Variants in WDR12 observed in about 807,000 individuals in gnomAD.
The protein encoded by WDR12 is ribosome biogenesis protein WDR12.
In WDR12, 42 loss-of-function variants were observed where a neutral mutation model predicts 64.3. The ratio of observed to expected loss-of-function variants is 0.65; its 90% CI spans 0.51 to 0.84. WDR12 has a LOEUF of 0.84. Among genes scored for constraint, WDR12 ranks in the 40% least tolerant of loss-of-function variants. The pLI is 0.00. For missense variants in WDR12, 469 were observed against 494.6 expected, an observed-to-expected ratio of 0.95 and a Z score of 0.49; for synonymous variants, 158 against 173.3, an observed-to-expected ratio of 0.91 and a Z score of 0.70.
At chr2:202,885,138 AG>A (rs926944799) in intron 8 of WDR12, among the ~76,000 whole-genome samples, 4 of 152,224 alleles carry the variant, frequency 2.6e-5, no homozygotes, top group Non-Finnish European at 4.4e-5. Context: ...AAACCAGGGC[AG>A]GCTGTTTTTT....
In WDR12 at chr2:202,897,284, G is replaced by A. The variant is rs1351388751; in HGVS notation, c.454+16C>T. ...CCTATCTAGGATTCCTCTAAGTGTA[G>A]GCAAACTGTCCTAACCTTTTTTCAC... On this transcript the variant is annotated intron_variant, in intron 5 of 12. Coordinates refer to ENST00000261015, the MANE Select transcript of WDR12 (RefSeq NM_018256.4). The A allele has an allele frequency of 3.2e-6, 5 of 1,560,904 alleles. No individual in the cohort carries two copies. The highest frequency in any genetic ancestry group is 4.4e-6 in the Non-Finnish European group (5 of 1,145,008).
chr2:202,889,226 G>T (rs571753001), intron 8 of WDR12, among the ~76,000 whole-genome samples: 2 of 152,248 alleles, frequency 1.3e-5, no homozygotes. Flanking sequence ...GCAAGCTTAC[G>T]AAAGTATGCA....
chr2:202,896,148 T>C lies in WDR12; in HGVS notation c.526A>G (p.Arg176Gly), dbSNP rs35272282. 1.2e-6 allele frequency: 2 copies of C among 1,614,116 alleles called. No homozygotes were observed. Among genetic ancestry groups the C allele is most frequent in the South Asian group, 2.2e-5 (2 of 91,086 alleles). ...CAGTGTAGGGCTTTCACTTTGTTTCTCTCTACATTCCACTCCCATAAGAGA... is the reference window on the plus strand; with the variant it reads ...CAGTGTAGGGCTTTCACTTTGTTTCCCTCTACATTCCACTCCCATAAGAGA... Reference protein sequence around the residue: ...TILLWEWNVERNKVKALHCCR... With the variant: ...TILLWEWNVEGNKVKALHCCR... Residue 176 changes from arginine to glycine, a missense_variant, in exon 6 of 13, where the codon AGA (arginine) becomes GGA (glycine). By Grantham distance (125) the Arg-to-Gly change is moderately radical. Coordinates refer to ENST00000261015, the MANE Select transcript of WDR12 (RefSeq NM_018256.4).
Position 202,884,231 on chromosome 2 carries a change from T to C in WDR12, c.955A>G (p.Arg319Gly). Residue 319 changes from arginine (R) to glycine (G), a missense_variant, in exon 10 of 13, where the codon AGG becomes GGG. Physicochemically the swap from Arg to Gly is moderately radical, Grantham distance 125 (BLOSUM62 -2). Coordinates refer to ENST00000261015, the MANE Select transcript of WDR12 (RefSeq NM_018256.4). ...CKRLASGSTD[R>G]HIRLWDPRTK... ...CGGGGATCCCACAGTCTGATATGCCTATCTGTGCTTCCAGATGCTAAACGT... is the reference window on the plus strand; with the variant it reads ...CGGGGATCCCACAGTCTGATATGCCCATCTGTGCTTCCAGATGCTAAACGT... 1.2e-6 allele frequency: 2 copies of C among 1,613,444 alleles called. No individual in the cohort carries two copies.
At chr2:202,896,318 GAAAAAGATGTT>G in intron 5 of WDR12, 99 bp from the exon 6 acceptor site, 1 of 1,308,138 alleles carries the variant, frequency 7.6e-7, no homozygotes, top group Non-Finnish European at 1.0e-6. Context: ...TGTTGTTATT[GAAAAAGATGTT>G]AAAAAGATAA....
intron 8 of WDR12, among the ~76,000 whole-genome samples, chr2:202,885,256 T>A (rs923091437): frequency 6.6e-6 from 1 of 152,198 alleles, no homozygotes; most frequent in Non-Finnish European, 1.5e-5. Flanking sequence ...GATCCTCGGC[T>A]TCTGTTGTCC....
At chr2:202,891,105 C>T (rs1688149750) in intron 8 of WDR12, among the ~76,000 whole-genome samples, 2 of 151,788 alleles carry the variant, frequency 1.3e-5, no homozygotes, top group Admixed American at 1.3e-4. Context: ...AAAGTTTGAC[C>T]AGGGACATGC....
Position 202,911,566 on chromosome 2 carries a change from C to T in WDR12, c.-90G>A. ...CCTGCCTTTTAAGACTACAAAGAGG[C>T]AGCTCAAAATTAGACTGCACAGGTA... On this transcript the variant is annotated 5_prime_UTR_variant, in exon 1 of 13. Transcript: ENST00000261015. The T allele has an allele frequency of 7.8e-7, 1 of 1,281,796 alleles. No individual in the cohort carries two copies. The highest frequency in any genetic ancestry group is 1.1e-6 in the Non-Finnish European group (1 of 878,992). 79.4% of individuals were successfully genotyped at this position (1,281,796 alleles called of 1,614,324 possible).
chr2:202,882,438 C>T (rs1382764076), intron 12 of WDR12, among the ~76,000 whole-genome samples: 1 of 152,044 alleles, frequency 6.6e-6, no homozygotes, highest in Non-Finnish European at 1.5e-5. Flanking sequence ...ACGCCATTCT[C>T]CTGCTTCAGC....
chr2:202,885,357 G>A (rs927016146), intron 8 of WDR12, among the ~76,000 whole-genome samples: 6 of 152,162 alleles, frequency 3.9e-5, no homozygotes, highest in African/African-American at 7.2e-5. Flanking sequence ...TGGTAAAACT[G>A]CAGCCCAGGA....
intron 8 of WDR12, among the ~76,000 whole-genome samples, chr2:202,891,460 G>C (rs1688155888): frequency 2.0e-5 from 3 of 152,168 alleles, no homozygotes; most frequent in African/African-American, 7.2e-5. Context: ...TCCATTTCTA[G>C]CTTTAATTTA....
At chr2:202,911,402 G>C (rs773570532) in intron 1 of WDR12, 34 bp downstream of exon 1, 116 of 1,610,026 alleles carry the variant, frequency 7.2e-5, no homozygotes, top group Non-Finnish European at 6.0e-6. Flanking sequence ...AAAGGAACCT[G>C]GGGAAGGGAG....
chr2:202,902,539 G>C (rs1688367708), intron 2 of WDR12, among the ~76,000 whole-genome samples: 1 of 152,178 alleles, frequency 6.6e-6, no homozygotes, highest in Admixed American at 6.5e-5. Context: ...AATGTGGAAG[G>C]ACTAGACTGG....
rs181979517 is a variant in WDR12, at chr2:202,902,228, C to T, written c.137-1109G>A. 2.0e-3 allele frequency among the ~76,000 whole-genome samples: 304 copies of T among 152,298 alleles called. 1 individual carries two copies. The highest frequency in any genetic ancestry group is 2.8e-3 in the Non-Finnish European group (188 of 68,032). On this transcript the variant is annotated intron_variant, in intron 2 of 12. Coordinates refer to ENST00000261015, the MANE Select transcript of WDR12 (RefSeq NM_018256.4). ...GAATAATTCTTTCCTCAACAAAATA[C>T]TTGCAAACCAAATTCAACAACACAT... is the stretch of plus-strand genomic sequence containing the variant.
chr2:202,885,809 CA>C (rs1278842171), intron 8 of WDR12, among the ~76,000 whole-genome samples: 3 of 152,132 alleles, frequency 2.0e-5, no homozygotes, highest in African/African-American at 7.2e-5. Context: ...CCTGTAGTCT[CA>C]ACGCTTTGGG....
rs2105900163 is a variant in WDR12, at chr2:202,876,298, A to G, written c.*4562T>C. On this transcript the variant is annotated 3_prime_UTR_variant, in exon 13 of 13. Coordinates refer to ENST00000261015, the MANE Select transcript of WDR12 (RefSeq NM_018256.4). ...AGGTACGTACTCAGGAAGCTGGGGC[A>G]GGAGGATCCCTTGAACCCAGGAGTT... 1 of 152,340 alleles carries G rather than the reference A, an allele frequency of 6.6e-6. No homozygotes were observed. Among genetic ancestry groups the G allele is most frequent in the South Asian group, 2.1e-4 (1 of 4,824 alleles). The allele number at this position is 152,340 out of a possible 1,614,324, so 9.4% of individuals were successfully genotyped here.
intron 8 of WDR12, among the ~76,000 whole-genome samples, 198 bp downstream of exon 8, chr2:202,892,419 T>C (rs539905591): frequency 6.6e-6 from 1 of 152,286 alleles, no homozygotes; most frequent in South Asian, 2.1e-4. Context: ...TGCCACTACA[T>C]TCAAAGATAC....
In WDR12 at chr2:202,911,564, G is replaced by A; in HGVS notation, c.-88C>T. On this transcript the variant is annotated 5_prime_UTR_variant, in exon 1 of 13. Transcript: ENST00000261015. ...CTCCTGCCTTTTAAGACTACAAAGA[G>A]GCAGCTCAAAATTAGACTGCACAGG... 2 of 1,295,218 alleles carry A rather than the reference G, an allele frequency of 1.5e-6. No individual in the cohort carries two copies. Among genetic ancestry groups the A allele is most frequent in the Non-Finnish European group, 2.2e-6 (2 of 891,062 alleles). 80.2% of individuals were successfully genotyped at this position (1,295,218 alleles called of 1,614,324 possible).
intron 3 of WDR12, 88 bp downstream of exon 3, chr2:202,900,937 A>G: frequency 9.7e-7 from 1 of 1,035,550 alleles, no homozygotes; most frequent in Non-Finnish European, 1.4e-6. Flanking sequence ...GCTACTAAAG[A>G]TAGATTCAGT....
Sources: allele counts gnomAD v4.1 joint callset (sites outside exome capture counted in the v4.1 genomes callset), GRCh38; gene constraint gnomAD v4.1.1; transcripts MANE v1.5; gene names NCBI Gene and HGNC (gene_info 2026-07-23, HGNC 2026-07-21).